The following SHISA5 variants were observed in gnomAD, a reference collection of about 807,000 sequenced individuals.
The protein encoded by SHISA5 is shisa family member 5.
A neutral mutation model predicts 27.5 loss-of-function variants in SHISA5; 21 were observed. That is an observed-to-expected ratio of 0.76 (90% CI 0.54 to 1.10). SHISA5 has a LOEUF of 1.10. Among genes scored for constraint, SHISA5 ranks in the 50% least tolerant of loss-of-function variants. The probability of loss-of-function intolerance (pLI) is 0.00; values close to 1 mark genes in which losing one functional copy is unlikely to be tolerated. For missense variants in SHISA5, 314 were observed against 336.3 expected (o/e 0.93, Z 0.52); for synonymous variants, 137 against 142.2 (o/e 0.96, Z 0.26).
chr3:48,468,278 C>T lies in SHISA5; in HGVS notation c.*829G>A. ...TGGCTAAAATAAAATGAAAACACTGCAGGGAAGAGAACTGAGTGTGCTGGT... is the reference window on the plus strand; with the variant it reads ...TGGCTAAAATAAAATGAAAACACTGTAGGGAAGAGAACTGAGTGTGCTGGT... On this transcript the variant is annotated 3_prime_UTR_variant, in exon 6 of 6. Coordinates refer to ENST00000296444, the MANE Select transcript of SHISA5 (RefSeq NM_016479.6). 9.9e-7 allele frequency: 1 copy of T among 1,009,158 alleles called. No individual in the cohort carries two copies. The highest frequency in any genetic ancestry group is 1.2e-6 in the Non-Finnish European group (1 of 843,954). The allele number at this position is 1,009,158 out of a possible 1,614,324, so 62.5% of individuals were successfully genotyped here.
chr3:48,468,441 C>G lies in SHISA5; in HGVS notation c.*666G>C. 4.3e-6 allele frequency: 5 copies of G among 1,149,428 alleles called. No individual in the cohort carries two copies. Among genetic ancestry groups the G allele is most frequent in the Non-Finnish European group, 5.4e-6 (5 of 923,866 alleles). 71.2% of individuals were successfully genotyped at this position (1,149,428 alleles called of 1,614,324 possible). A position where few individuals can be genotyped will look rare whatever the true frequency, so the allele number is the denominator to read the frequency against. ...ATGCGGGGACAGGGGACAGTCCAGG[C>G]AGACAGGTACAGCTGAGTAGGGCTC... is the stretch of plus-strand genomic sequence containing the variant. On this transcript the variant is annotated 3_prime_UTR_variant, in exon 6 of 6. Transcript: ENST00000296444.
Position 48,469,194 on chromosome 3 carries a change from C to T in SHISA5, c.644-8G>A. On this transcript the variant is annotated splice_region_variant and splice_polypyrimidine_tract_variant and intron_variant, in intron 5 of 5. Coordinates refer to ENST00000296444, the MANE Select transcript of SHISA5 (RefSeq NM_016479.6). The surrounding 1 kb of genome is among the most constrained non-coding windows in gnomAD (Gnocchi z 4.6). ...AGGGCGCGGCTGCTCCTCCTGAAAG[C>T]AGAGAGGACCCTGGTTGGCTGTGAG... is the stretch of plus-strand genomic sequence containing the variant. The T allele has an allele frequency of 6.2e-7, 1 of 1,611,078 alleles. No individual in the cohort carries two copies.
rs1020409757 is a variant in SHISA5 at position 48,502,521 on chromosome 3, G to A, written c.77-1228C>T. 5.1e-5 allele frequency: 20 copies of A among 388,672 alleles called. No individual in the cohort carries two copies. In the East Asian group the frequency reaches 7.7e-4, roughly 15 times the overall value. The allele number at this position is 388,672 out of a possible 1,614,324, so 24.1% of individuals were successfully genotyped here. A position where few individuals can be genotyped will look rare whatever the true frequency, so the allele number is the denominator to read the frequency against. On this transcript the variant is annotated intron_variant, in intron 1 of 5. Coordinates refer to ENST00000296444, the MANE Select transcript of SHISA5 (RefSeq NM_016479.6). The stretch of plus-strand genomic sequence containing the variant: ...GACATCCTTACAAGTCTCAATAAAC[G>A]AGGTCATGCTGAGGGGATCTGGCTG...
At chr3:48,474,768 T>C (rs543468815) in intron 3 of SHISA5, among the ~76,000 whole-genome samples, 7 of 152,304 alleles carry the variant, frequency 4.6e-5, no homozygotes. Context: ...GAAAGCACCA[T>C]GCTGTGTCCT....
At chr3:48,498,515 T>C (rs1385094900) in intron 2 of SHISA5, among the ~76,000 whole-genome samples, 1 of 151,864 alleles carries the variant, frequency 6.6e-6, no homozygotes, top group Non-Finnish European at 1.5e-5. Context: ...AGTGAAACCC[T>C]GTCTCTACTA....
At position 48,493,575 on chromosome 3, in the gene SHISA5, G is replaced by A. The variant is rs1478998594; in HGVS notation, c.233+7562C>T. On this transcript the variant is annotated intron_variant, in intron 2 of 5. Coordinates refer to ENST00000296444, the MANE Select transcript of SHISA5 (RefSeq NM_016479.6). ...GAGACAGAGGCGGCTCTGTCATCCC[G>A]GCTGAAGTGCAGTGGCACAATCTCG... Among the ~76,000 whole-genome samples the A allele has an allele frequency of 7.6e-5, 9 of 117,678 alleles. 1 individual carries two copies. Among genetic ancestry groups the A allele is most frequent in the Admixed American group, 5.9e-4 (6 of 10,244 alleles). 77.2% of individuals were successfully genotyped at this position (117,678 alleles called of 152,430 possible). A position where few individuals can be genotyped will look rare whatever the true frequency, so the allele number is the denominator to read the frequency against.
chr3:48,481,033 G>A (rs750870056), intron 2 of SHISA5, among the ~76,000 whole-genome samples: 2 of 151,930 alleles, frequency 1.3e-5, no homozygotes, highest in Admixed American at 6.6e-5. Context: ...TGGTGCAGGC[G>A]GCAGTGAGCC....
chr3:48,503,306 G>C (rs912147199), intron 1 of SHISA5: 1 of 577,180 alleles, frequency 1.7e-6, no homozygotes, highest in Non-Finnish European at 2.9e-6. Flanking sequence ...CTCCAGGAGT[G>C]GGCGGATTCT....
At chr3:48,498,809 C>T (rs1046912392) in intron 2 of SHISA5, among the ~76,000 whole-genome samples, 1 of 151,782 alleles carries the variant, frequency 6.6e-6, no homozygotes, top group African/African-American at 2.4e-5. Context: ...CATACGGGCG[C>T]GGTGGCTCAC....
At chr3:48,503,045 T>G in intron 1 of SHISA5, 6 of 1,207,668 alleles carry the variant, frequency 5.0e-6, no homozygotes, top group Non-Finnish European at 6.6e-6. Flanking sequence ...GGCAAAGCCA[T>G]GGAGCAGAGG....
At chr3:48,481,895 G>A (rs1397467931) in intron 2 of SHISA5, among the ~76,000 whole-genome samples, 6 of 151,336 alleles carry the variant, frequency 4.0e-5, no homozygotes, top group African/African-American at 9.7e-5. Context: ...GTGAAACCCT[G>A]TCTCTACTAA....
chr3:48,480,518 G>A (rs569951098), intron 2 of SHISA5, among the ~76,000 whole-genome samples: 116 of 152,010 alleles, frequency 7.6e-4, no homozygotes, highest in Non-Finnish European at 1.5e-3. Context: ...ATCAAGAAAT[G>A]GGGGGGCCGA....
chr3:48,479,300 C>T (rs772832973), intron 2 of SHISA5, 43 bp from the exon 3 acceptor site: 105 of 1,558,762 alleles, frequency 6.7e-5, no homozygotes, highest in Admixed American at 4.8e-4. Context: ...GAAGCCCCAC[C>T]GAGCGCCAGC....
chr3:48,475,872 ATTCACTTGCCAAAG>A (rs1017366658), intron 3 of SHISA5, among the ~76,000 whole-genome samples: 5 of 152,292 alleles, frequency 3.3e-5, no homozygotes, highest in Middle Eastern at 3.4e-3. Context: ...TTAAACAGAG[ATTCACTTGCCAAAG>A]TCTAGGGGGC....
In SHISA5 at chr3:48,469,683, T is replaced by C. The variant is rs1329450114; in HGVS notation, c.430+45A>G. The C allele has an allele frequency of 6.2e-7, 1 of 1,610,884 alleles. No individual in the cohort carries two copies. Among genetic ancestry groups the C allele is most frequent in the South Asian group, 1.1e-5 (1 of 90,680 alleles). On this transcript the variant is annotated intron_variant, in intron 4 of 5. Transcript: ENST00000296444. This position sits in a 1 kb window ranked among gnomAD's most constrained non-coding sequence, Gnocchi z 4.6. ...CAAAGCAGGGCCTGGTCAGCTTCCCTTACCACCCCAGGGGGTCACAGTGGG... is the reference window on the plus strand; with the variant it reads ...CAAAGCAGGGCCTGGTCAGCTTCCCCTACCACCCCAGGGGGTCACAGTGGG...
chr3:48,500,946 C>T (rs116059273), intron 2 of SHISA5, among the ~76,000 whole-genome samples, 191 bp downstream of exon 2: 2,557 of 152,224 alleles, frequency 0.017, 59 homozygotes, highest in African/African-American at 0.054. Flanking sequence ...AGGAGATGGA[C>T]AGGGGACTAA....
At chr3:48,491,647 TTTTTG>T (rs971737931) in intron 2 of SHISA5, among the ~76,000 whole-genome samples, 1 of 151,980 alleles carries the variant, frequency 6.6e-6, no homozygotes, top group African/African-American at 2.4e-5. Flanking sequence ...CGTTTGTTTG[TTTTTG>T]TTTTGTTTTG....
upstream of SHISA5, chr3:48,504,643 A>T (rs1560138890): frequency 6.6e-6 from 1 of 152,464 alleles, no homozygotes; most frequent in Non-Finnish European, 1.5e-5. The surrounding 1 kb of genome is among the most constrained non-coding windows in gnomAD (Gnocchi z 4.0). Flanking sequence ...GGCACTCAGT[A>T]GACACTCCAC....
At position 48,503,972 on chromosome 3, in the gene SHISA5, T is replaced by C. The variant is rs764480946; in HGVS notation, c.76+47A>G. The C allele has an allele frequency of 8.4e-5, 121 of 1,448,982 alleles. 1 individual carries two copies. The highest frequency in any genetic ancestry group is 1.1e-5 in the Non-Finnish European group (12 of 1,098,168). The allele number at this position is 1,448,982 out of a possible 1,614,324, so 89.8% of individuals were successfully genotyped here. On this transcript the variant is annotated intron_variant, in intron 1 of 5. Coordinates refer to ENST00000296444, the MANE Select transcript of SHISA5 (RefSeq NM_016479.6). ...GTTGGAGAGGCAGCGCGGGGAAGTGTCTGCCCGGTCCCAGGGCAGGACGGG... is the reference window on the plus strand; with the variant it reads ...GTTGGAGAGGCAGCGCGGGGAAGTGCCTGCCCGGTCCCAGGGCAGGACGGG...
Sources: allele counts gnomAD v4.1 joint callset (sites outside exome capture counted in the v4.1 genomes callset), GRCh38; gene constraint gnomAD v4.1.1; non-coding constraint Gnocchi (gnomAD v3.1); transcripts MANE v1.5; gene names NCBI Gene and HGNC (gene_info 2026-07-23, HGNC 2026-07-21).